MCPH1: variants seen among roughly 807,000 people sequenced by gnomAD.
MCPH1 encodes the protein microcephalin.
In MCPH1, 104 loss-of-function variants were observed where a neutral mutation model predicts 84.5. The ratio of observed to expected loss-of-function variants is 1.23; its 90% CI spans 1.05 to 1.45. MCPH1 has a LOEUF of 1.45. Ranked by LOEUF, MCPH1 falls within the 40% of genes most tolerant of loss-of-function variation. The pLI, the probability that MCPH1 is intolerant of heterozygous loss-of-function variation, is 0.00. For synonymous variants in MCPH1, 514 were observed against 366.8 expected (o/e 1.40, Z -4.58); for missense variants, 1,498 against 1,005.7 (o/e 1.49, Z -6.62).
chr8:6,480,474 A>G (rs1809062692), intron 10 of MCPH1, among the ~76,000 whole-genome samples: 1 of 152,144 alleles, frequency 6.6e-6, no homozygotes, highest in South Asian at 2.1e-4. Flanking sequence ...CACTGTGGGA[A>G]GCCATTGACA....
At position 6,647,948 on chromosome 8, in the gene MCPH1, C is replaced by T. The variant is rs557656322; in HGVS notation, c.*4899C>T. 24 of 152,018 alleles carry T rather than the reference C, an allele frequency of 1.6e-4. No individual in the cohort carries two copies. The highest frequency in any genetic ancestry group is 3.4e-3 in the Middle Eastern group (1 of 294). 9.4% of individuals were successfully genotyped at this position (152,018 alleles called of 1,614,324 possible). A position where few individuals can be genotyped will look rare whatever the true frequency, so the allele number is the denominator to read the frequency against. Reference sequence around the variant, plus strand: ...TTTTAAAAAAAAGAGAGAGAGAGAACGAGAGCTACATGGCAGCCCCAGGGC... The same window carrying T: ...TTTTAAAAAAAAGAGAGAGAGAGAATGAGAGCTACATGGCAGCCCCAGGGC... On this transcript the variant is annotated 3_prime_UTR_variant, in exon 14 of 14. Transcript: ENST00000344683.
intron 9 of MCPH1, among the ~76,000 whole-genome samples, chr8:6,472,783 TA>T (rs1289916708): frequency 5.3e-5 from 8 of 152,300 alleles, no homozygotes; most frequent in African/African-American, 1.7e-4. Flanking sequence ...CAGTTTTAAG[TA>T]CAAAATATAT....
intron 11 of MCPH1, among the ~76,000 whole-genome samples, chr8:6,493,024 G>C (rs1166030393): frequency 6.6e-6 from 1 of 152,168 alleles, no homozygotes; most frequent in Admixed American, 6.5e-5. Context: ...GTCTGTGTTG[G>C]TAATAATTTC....
intron 12 of MCPH1, chr8:6,532,199 A>G: frequency 9.3e-7 from 1 of 1,069,716 alleles, no homozygotes; most frequent in Non-Finnish European, 1.4e-6. Context: ...TTAATTTCTT[A>G]TCAATTCATT....
chr8:6,430,267 T>G (rs1487659477), intron 3 of MCPH1, among the ~76,000 whole-genome samples: 1 of 152,264 alleles, frequency 6.6e-6, no homozygotes, highest in Non-Finnish European at 1.5e-5. Flanking sequence ...CTCTGATGCC[T>G]GGCTTAATAG....
intron 12 of MCPH1, among the ~76,000 whole-genome samples, chr8:6,553,947 ATCT>A (rs1162974107): frequency 2.0e-5 from 3 of 152,056 alleles, no homozygotes; most frequent in African/African-American, 4.8e-5. Flanking sequence ...CAAAATAGAA[ATCT>A]TCTGTGTGTA....
chr8:6,628,295 C>T (rs540992952), intron 13 of MCPH1, among the ~76,000 whole-genome samples: 1 of 151,704 alleles, frequency 6.6e-6, no homozygotes, highest in East Asian at 1.9e-4. Flanking sequence ...ACAGTGAAAC[C>T]CCGTCTCTAT....
chr8:6,602,168 C>G (rs1276136329), intron 12 of MCPH1, among the ~76,000 whole-genome samples: 4 of 152,226 alleles, frequency 2.6e-5, no homozygotes, highest in Admixed American at 2.6e-4. Flanking sequence ...AACCAGTGTC[C>G]TTGAGCAGAA....
chr8:6,412,479 C>A (rs1294424384), intron 2 of MCPH1, among the ~76,000 whole-genome samples: 2 of 152,158 alleles, frequency 1.3e-5, no homozygotes, highest in African/African-American at 4.8e-5. Flanking sequence ...TTGTAGTACT[C>A]GTAATCCGGG....
intron 12 of MCPH1, among the ~76,000 whole-genome samples, chr8:6,582,238 G>A (rs576609639): frequency 3.9e-5 from 6 of 152,282 alleles, no homozygotes; most frequent in East Asian, 1.9e-4. Flanking sequence ...TTAGAATTAC[G>A]CCTTGCATAC....
chr8:6,522,364 G>GA (rs146836237), intron 12 of MCPH1, among the ~76,000 whole-genome samples: 13 of 146,866 alleles, frequency 8.9e-5, no homozygotes, highest in South Asian at 2.2e-4. Context: ...CAAAAAAAAA[G>GA]AAAAAAAAAT....
intron 9 of MCPH1, among the ~76,000 whole-genome samples, chr8:6,468,610 C>G (rs1050085718): frequency 6.7e-6 from 1 of 149,822 alleles, no homozygotes; most frequent in Non-Finnish European, 1.5e-5. Context: ...ACACTTTAGA[C>G]ACTAATGATG....
chr8:6,638,104 T>C (rs1797687709), intron 13 of MCPH1, among the ~76,000 whole-genome samples: 1 of 152,078 alleles, frequency 6.6e-6, no homozygotes, highest in South Asian at 2.1e-4. Context: ...ACATGTGATA[T>C]GAGCAGATGA....
chr8:6,467,383 A>G (rs2129558143), intron 9 of MCPH1, among the ~76,000 whole-genome samples: 1 of 152,236 alleles, frequency 6.6e-6, no homozygotes, highest in Admixed American at 6.5e-5. Context: ...TTTAAAGTAT[A>G]TTTGCTATTT....
intron 11 of MCPH1, among the ~76,000 whole-genome samples, chr8:6,486,247 C>G (rs147924504): frequency 5.4e-4 from 81 of 148,742 alleles, no homozygotes; most frequent in African/African-American, 1.9e-3. Flanking sequence ...TATACATTGA[C>G]TTTGTGTACA....
chr8:6,416,522 T>TA (rs1356691238), intron 3 of MCPH1, among the ~76,000 whole-genome samples: 8 of 152,206 alleles, frequency 5.3e-5, no homozygotes, highest in Non-Finnish European at 1.0e-4. Context: ...TTCTGATTAT[T>TA]AAAGGAAGTT....
intron 12 of MCPH1, among the ~76,000 whole-genome samples, chr8:6,605,064 C>T (rs1322864207): frequency 1.3e-5 from 2 of 152,116 alleles, no homozygotes; most frequent in African/African-American, 4.8e-5. Context: ...TATGTCCCTC[C>T]TTGTCGCCTG....
At chr8:6,625,775 C>G in intron 13 of MCPH1, 1 of 981,204 alleles carries the variant, frequency 1.0e-6, no homozygotes, top group South Asian at 4.7e-5. Flanking sequence ...CAGAGCAAGA[C>G]CCCATCTCTA....
At chr8:6,602,773 C>T (rs1256475949) in intron 12 of MCPH1, among the ~76,000 whole-genome samples, 1 of 152,052 alleles carries the variant, frequency 6.6e-6, no homozygotes, top group Non-Finnish European at 1.5e-5. Flanking sequence ...CTCTTTTTAA[C>T]TCTGCTCCTG....
Sources: gnomAD v4.1 joint callset for allele counts (sites outside exome capture counted in the v4.1 genomes callset) on GRCh38, gnomAD v4.1.1 for gene constraint, MANE v1.5 for transcripts, NCBI Gene and HGNC (gene_info 2026-07-23, HGNC 2026-07-21) for gene names.